The following KCNH8 variants were observed in gnomAD, a reference collection of about 807,000 sequenced individuals.
The protein encoded by KCNH8 is voltage-gated delayed rectifier potassium channel KCNH8.
KCNH8 carries 70 observed loss-of-function variants against 103.6 expected under a neutral mutation model. The ratio of observed to expected loss-of-function variants is 0.68; its 90% confidence interval spans 0.56 to 0.82. The LOEUF is 0.82. Among genes scored for constraint, KCNH8 ranks in the 40% least tolerant of loss-of-function variants. The pLI is 0.00. For missense variants in KCNH8, 1,217 were observed against 1,329.9 expected, an observed-to-expected ratio of 0.92 and a Z score of 1.32; for synonymous variants, 498 against 489.4, an observed-to-expected ratio of 1.02 and a Z score of -0.23.
rs561563159 is a variant in KCNH8, at chr3:19,209,669, C to T, written c.77-43985C>T. On this transcript the variant is annotated intron_variant, in intron 1 of 15. Coordinates refer to ENST00000328405, the MANE Select transcript of KCNH8 (RefSeq NM_144633.3). ...CTGCTATGAATACACAGCACAGCTC[C>T]GTTTACTAGATTCTGAACAAAAATC... Among the ~76,000 whole-genome samples, 5 of 152,078 alleles carry T rather than the reference C, an allele frequency of 3.3e-5. No homozygotes were observed. In the East Asian group the frequency reaches 5.8e-4, roughly 18 times the overall value.
intron 5 of KCNH8, among the ~76,000 whole-genome samples, chr3:19,374,737 T>C (rs551991277): frequency 2.2e-3 from 335 of 152,338 alleles, no homozygotes; most frequent in Non-Finnish European, 3.8e-3. Flanking sequence ...TTGCAGTGGC[T>C]GGTACTAGTT....
At chr3:19,400,218 C>A (rs116461937) in intron 7 of KCNH8, among the ~76,000 whole-genome samples, 1 of 105,498 alleles carries the variant, frequency 9.5e-6, no homozygotes, top group Non-Finnish European at 1.7e-5. Context: ...CTACCAGATA[C>A]GATGTTAGCC....
intron 5 of KCNH8, among the ~76,000 whole-genome samples, chr3:19,353,451 T>C (rs541751428): frequency 5.3e-5 from 8 of 152,142 alleles, no homozygotes; most frequent in Non-Finnish European, 1.2e-4. Flanking sequence ...TTTAGATCAA[T>C]ATCCCTGATG....
At chr3:19,261,199 A>C (rs1041606282) in intron 2 of KCNH8, among the ~76,000 whole-genome samples, 1 of 151,620 alleles carries the variant, frequency 6.6e-6, no homozygotes, top group Admixed American at 6.6e-5. Flanking sequence ...TGGCTTCACC[A>C]ATCTACATTC....
Position 19,420,737 on chromosome 3 carries a change from A to G in KCNH8, c.1178-17427A>G, listed in dbSNP as rs564285236. On this transcript the variant is annotated intron_variant, in intron 7 of 15. Transcript: ENST00000328405. ...AGTGCTTTATATGTTTCATACAAAA[A>G]TGGGCATAGTAATACAAATATATCC... Among the ~76,000 whole-genome samples the G allele has an allele frequency of 4.6e-5, 7 of 152,336 alleles. No individual in the cohort carries two copies. The South Asian group carries it at 6.2e-4, about 14-fold the overall frequency.
chr3:19,535,058 T>C lies in KCNH8; in HGVS notation c.*959T>C, dbSNP rs144492364. On this transcript the variant is annotated 3_prime_UTR_variant, in exon 16 of 16. Transcript: ENST00000328405. Reference sequence around the variant, plus strand: ...ATGTCAATGACATGATTTAAGGTCGTTGTGCCAGCAGAAATGTCTCTCCTC... The same window carrying C: ...ATGTCAATGACATGATTTAAGGTCGCTGTGCCAGCAGAAATGTCTCTCCTC... 1.4e-4 allele frequency: 21 copies of C among 152,320 alleles called. No individual in the cohort carries two copies. Among genetic ancestry groups the C allele is most frequent in the Admixed American group, 5.9e-4 (9 of 15,300 alleles). The allele number at this position is 152,320 out of a possible 1,614,324, so 9.4% of individuals were successfully genotyped here.
chr3:19,479,775 G>C lies in KCNH8; in HGVS notation c.2040+22793G>C, dbSNP rs1310458165. Among the ~76,000 whole-genome samples, 5 of 152,168 alleles carry C rather than the reference G, an allele frequency of 3.3e-5. No individual in the cohort carries two copies. In the East Asian group the frequency reaches 9.7e-4, roughly 30 times the overall value. On this transcript the variant is annotated intron_variant, in intron 11 of 15. Transcript: ENST00000328405. ...AACTATGAGAGTCGTGGGTTTATTT[G>C]TGAGTACGCTTCATTCATATTCTCT...
intron 3 of KCNH8, among the ~76,000 whole-genome samples, chr3:19,303,424 G>A (rs1030186164): frequency 6.6e-5 from 10 of 152,082 alleles, no homozygotes; most frequent in Non-Finnish European, 8.8e-5. Flanking sequence ...AATCCTAAGC[G>A]GCAGTGGAAA....
At chr3:19,192,013 T>C (rs2063557757) in intron 1 of KCNH8, among the ~76,000 whole-genome samples, 1 of 151,620 alleles carries the variant, frequency 6.6e-6, no homozygotes, top group African/African-American at 2.4e-5. Flanking sequence ...TATCTCCTTA[T>C]CAAGTTGATG....
intron 5 of KCNH8, among the ~76,000 whole-genome samples, chr3:19,376,912 A>G (rs1251628237): frequency 6.6e-6 from 1 of 152,222 alleles, no homozygotes; most frequent in Admixed American, 6.5e-5. Flanking sequence ...AAAAATATGA[A>G]GACATAAAAA....
At chr3:19,256,447 A>G (rs1342640650) in intron 2 of KCNH8, among the ~76,000 whole-genome samples, 1 of 152,126 alleles carries the variant, frequency 6.6e-6, no homozygotes, top group Non-Finnish European at 1.5e-5. Context: ...GAGGCCTGAG[A>G]TAAAAGAAAA....
rs554786703 is a variant in KCNH8, at chr3:19,295,383, C to CAAATAAATAAAT, written c.442+14085_442+14096dup. Reference sequence around the variant, plus strand: ...TGGGTGACATAGAGAGACCCTGTCTCAAATAAATAAATAAATAAATAAATA... The same window carrying CAAATAAATAAAT: ...TGGGTGACATAGAGAGACCCTGTCTCAAATAAATAAATAAATAAATAAATAAATAAATAAATA... On this transcript the variant is annotated intron_variant, in intron 3 of 15. Coordinates refer to ENST00000328405, the MANE Select transcript of KCNH8 (RefSeq NM_144633.3). Among the ~76,000 whole-genome samples the CAAATAAATAAAT allele has an allele frequency of 4.6e-3, 671 of 145,408 alleles. 2 individuals are homozygous for CAAATAAATAAAT. The highest frequency in any genetic ancestry group is 0.011 in the East Asian group (56 of 4,880).
At chr3:19,159,283 A>AAT (rs1261222309) in intron 1 of KCNH8, among the ~76,000 whole-genome samples, 1 of 151,726 alleles carries the variant, frequency 6.6e-6, no homozygotes, top group Non-Finnish European at 1.5e-5. Flanking sequence ...TTTTACACTG[A>AAT]ATATATATAG....
intron 2 of KCNH8, among the ~76,000 whole-genome samples, chr3:19,258,961 A>G (rs1244875385): frequency 3.0e-5 from 4 of 132,402 alleles, no homozygotes; most frequent in Non-Finnish European, 1.6e-5. Flanking sequence ...ATATATATAT[A>G]TATATATATA....
At chr3:19,303,631 G>A (rs1021193361) in intron 3 of KCNH8, among the ~76,000 whole-genome samples, 1 of 152,074 alleles carries the variant, frequency 6.6e-6, no homozygotes, top group African/African-American at 2.4e-5. Context: ...ACGTTCCCTG[G>A]AAAGCAAAAT....
chr3:19,164,263 G>A (rs994157594), intron 1 of KCNH8, among the ~76,000 whole-genome samples: 3 of 152,134 alleles, frequency 2.0e-5, no homozygotes, highest in Non-Finnish European at 4.4e-5. Context: ...TTGTCTCAAA[G>A]CTAGAACAGG....
intron 1 of KCNH8, among the ~76,000 whole-genome samples, chr3:19,188,469 CA>C (rs1285507354): frequency 6.6e-6 from 1 of 151,904 alleles, no homozygotes; most frequent in Non-Finnish European, 1.5e-5. Context: ...ACTTTATTAA[CA>C]AAAACATGTG....
chr3:19,450,762 C>T (rs1376351407), intron 9 of KCNH8: 1 of 268,078 alleles, frequency 3.7e-6, no homozygotes, highest in East Asian at 1.0e-4. Flanking sequence ...TTTCATCAAC[C>T]CACCAGCCAA....
At chr3:19,184,427 A>G (rs2063483726) in intron 1 of KCNH8, among the ~76,000 whole-genome samples, 1 of 152,008 alleles carries the variant, frequency 6.6e-6, no homozygotes, top group African/African-American at 2.4e-5. Context: ...ATCAGCTGGG[A>G]AAAAGGATGG....
Sources: allele counts gnomAD v4.1 joint callset (sites outside exome capture counted in the v4.1 genomes callset), GRCh38; gene constraint gnomAD v4.1.1; transcripts MANE v1.5; gene names NCBI Gene and HGNC (gene_info 2026-07-23, HGNC 2026-07-21).